Variants in MAPK10 observed in about 807,000 individuals in gnomAD.
MAPK10 encodes mitogen-activated protein kinase 10.
MAPK10 carries 25 observed loss-of-function variants against 59.3 expected under a neutral mutation model. The ratio of observed to expected loss-of-function variants is 0.42; its 90% confidence interval spans 0.31 to 0.59. The LOEUF (loss-of-function observed/expected upper bound fraction) is 0.59. MAPK10 is among the 20% of genes least tolerant of loss of function. MAPK10 has a pLI of 0.15. For synonymous variants in MAPK10, 190 were observed against 200.5 expected, an observed-to-expected ratio of 0.95 and a Z score of 0.44; for missense variants, 351 against 568.9, an observed-to-expected ratio of 0.62 and a Z score of 3.90.
intron 11 of MAPK10, among the ~76,000 whole-genome samples, chr4:86,057,681 C>A (rs2044871970): frequency 6.7e-6 from 1 of 148,552 alleles, no homozygotes; most frequent in Non-Finnish European, 1.5e-5. Flanking sequence ...TGGGTTCAGT[C>A]AATATTTATA....
At chr4:86,251,067 A>G (rs561450506) in intron 2 of MAPK10, among the ~76,000 whole-genome samples, 2 of 152,326 alleles carry the variant, frequency 1.3e-5, no homozygotes, top group African/African-American at 4.8e-5. Flanking sequence ...CCACATTAGA[A>G]GCCTAAAACT....
intron 2 of MAPK10, among the ~76,000 whole-genome samples, chr4:86,210,781 T>C (rs1169498352): frequency 4.0e-5 from 6 of 151,306 alleles, no homozygotes; most frequent in African/African-American, 1.5e-4. Flanking sequence ...AACTACTAGA[T>C]AAAGACTTTA....
chr4:86,480,517 G>A (rs1309424477), intron 1 of MAPK10, among the ~76,000 whole-genome samples: 1 of 152,150 alleles, frequency 6.6e-6, no homozygotes, highest in African/African-American at 2.4e-5. Context: ...ACGGATGCGA[G>A]TGAAATGAAC....
chr4:86,205,547 T>C (rs1367473832), intron 2 of MAPK10, among the ~76,000 whole-genome samples: 1 of 151,944 alleles, frequency 6.6e-6, no homozygotes, highest in Non-Finnish European at 1.5e-5. Flanking sequence ...TATAATCTTA[T>C]GAACACACAG....
At chr4:86,509,234 C>T (rs998481515) in intron 1 of MAPK10, among the ~76,000 whole-genome samples, 1 of 151,968 alleles carries the variant, frequency 6.6e-6, no homozygotes, top group Non-Finnish European at 1.5e-5. Flanking sequence ...ACCTAGACAC[C>T]TTTTGGAAAT....
intron 1 of MAPK10, among the ~76,000 whole-genome samples, chr4:86,504,600 C>T (rs1451078845): frequency 6.6e-6 from 1 of 152,064 alleles, no homozygotes; most frequent in Admixed American, 6.6e-5. Flanking sequence ...CTGCTCTAGC[C>T]AAACGAAACC....
Position 86,017,551 on chromosome 4 carries a change from CA to C in MAPK10, c.1253-182del. The stretch of plus-strand genomic sequence containing the variant: ...TCAAATGGTGACAATCAAGACATAG[CA>C]ATAAAAAGTCCTTCATCACAAGTTA... On this transcript the variant is annotated intron_variant, in intron 13 of 13. Transcript: ENST00000641462. The surrounding 1 kb of genome is among the most constrained non-coding windows in gnomAD (Gnocchi z 4.4). Among the ~76,000 whole-genome samples the C allele has an allele frequency of 6.6e-6, 1 of 152,218 alleles. No homozygotes were observed. Among genetic ancestry groups the C allele is most frequent in the Middle Eastern group, 3.4e-3 (1 of 294 alleles).
chr4:86,202,445 C>T (rs574532976), intron 2 of MAPK10, among the ~76,000 whole-genome samples: 3 of 151,876 alleles, frequency 2.0e-5, no homozygotes, highest in Non-Finnish European at 4.4e-5. Flanking sequence ...AACCCCAGGG[C>T]CTACCACTAT....
intron 1 of MAPK10, among the ~76,000 whole-genome samples, chr4:86,489,755 C>T (rs1384294368): frequency 2.6e-5 from 4 of 152,064 alleles, no homozygotes; most frequent in Non-Finnish European, 4.4e-5. Flanking sequence ...GCTCTAACTC[C>T]GTCTCATCTC....
intron 1 of MAPK10, chr4:86,358,056 T>C: frequency 1.0e-6 from 1 of 984,666 alleles, no homozygotes; most frequent in Non-Finnish European, 1.2e-6. Flanking sequence ...AAGAGTGTGA[T>C]CAAGGTAGAG....
intron 9 of MAPK10, among the ~76,000 whole-genome samples, chr4:86,097,192 A>G (rs2054394163): frequency 6.6e-6 from 1 of 152,006 alleles, no homozygotes; most frequent in Admixed American, 6.6e-5. Context: ...ACACATTTCA[A>G]TTTAGACTAT....
intron 1 of MAPK10, among the ~76,000 whole-genome samples, chr4:86,546,785 G>T (rs1444265639): frequency 6.6e-6 from 1 of 152,204 alleles, no homozygotes; most frequent in East Asian, 1.9e-4. Context: ...GCTGGGCGGG[G>T]TGGCTCATGC....
intron 2 of MAPK10, among the ~76,000 whole-genome samples, chr4:86,258,350 T>C (rs1163731641): frequency 6.6e-6 from 1 of 152,138 alleles, no homozygotes; most frequent in Non-Finnish European, 1.5e-5. Flanking sequence ...TATTCTCTCT[T>C]CCCCATTTTC....
intron 1 of MAPK10, among the ~76,000 whole-genome samples, chr4:86,576,968 A>G (rs1288686035): frequency 6.6e-6 from 1 of 152,154 alleles, no homozygotes; most frequent in African/African-American, 2.4e-5. Context: ...GCTGCTTTTA[A>G]TATTTTGAGG....
At chr4:86,408,409 T>C (rs1387937453) in intron 1 of MAPK10, among the ~76,000 whole-genome samples, 1 of 152,228 alleles carries the variant, frequency 6.6e-6, no homozygotes, top group African/African-American at 2.4e-5. Context: ...CCTTTGGGTA[T>C]ATACCCAGTC....
chr4:86,432,688 T>C (rs949572379), intron 1 of MAPK10, among the ~76,000 whole-genome samples: 5 of 152,168 alleles, frequency 3.3e-5, no homozygotes, highest in Non-Finnish European at 2.9e-5. Flanking sequence ...CTGGATCCAA[T>C]GATAGGACTT....
At chr4:86,507,649 T>G (rs1159024643) in intron 1 of MAPK10, among the ~76,000 whole-genome samples, 1 of 94,754 alleles carries the variant, frequency 1.1e-5, no homozygotes, top group African/African-American at 4.3e-5. Flanking sequence ...TATATATATA[T>G]ATATATATAT....
intron 13 of MAPK10, among the ~76,000 whole-genome samples, chr4:86,021,528 AGCCC>A (rs1281441239): frequency 8.5e-5 from 13 of 152,376 alleles, no homozygotes; most frequent in African/African-American, 3.1e-4. Flanking sequence ...CAGACTCAGG[AGCCC>A]AGCTGGCTTC....
intron 1 of MAPK10, among the ~76,000 whole-genome samples, chr4:86,367,734 C>A (rs1738151561): frequency 6.6e-6 from 1 of 151,486 alleles, no homozygotes; most frequent in Admixed American, 6.6e-5. Flanking sequence ...AAACTTGTGA[C>A]CACTGGGGAA....
Sources: allele counts gnomAD v4.1 joint callset (sites outside exome capture counted in the v4.1 genomes callset), GRCh38; gene constraint gnomAD v4.1.1; non-coding constraint Gnocchi (gnomAD v3.1); transcripts MANE v1.5; gene names NCBI Gene and HGNC (gene_info 2026-07-23, HGNC 2026-07-21).